The following ZBTB11 variants were observed in gnomAD, a reference collection of about 807,000 sequenced individuals.
ZBTB11 encodes the protein zinc finger and BTB domain-containing protein 11.
ZBTB11 carries 68 observed loss-of-function variants against 113.1 expected under a neutral mutation model. The ratio of observed to expected loss-of-function variants is 0.60; its 90% CI spans 0.49 to 0.74. ZBTB11 has a LOEUF of 0.74. Ranked by LOEUF, ZBTB11 falls within the 30% of genes least tolerant of loss-of-function variation. The probability of loss-of-function intolerance (pLI) is 0.00; values close to 1 mark genes in which losing one functional copy is unlikely to be tolerated. For synonymous variants in ZBTB11, 518 were observed against 452.6 expected, an observed-to-expected ratio of 1.14 and a Z score of -1.83; for missense variants, 1,104 against 1,279.4, an observed-to-expected ratio of 0.86 and a Z score of 2.09.
At chr3:101,662,914 C>T (rs938159947) in intron 5 of ZBTB11, among the ~76,000 whole-genome samples, 1 of 151,840 alleles carries the variant, frequency 6.6e-6, no homozygotes, top group African/African-American at 2.4e-5. Context: ...CAGGTGTGTG[C>T]CACCATGCCC....
In ZBTB11 at chr3:101,676,711, C is replaced by A. The variant is rs1303879847; in HGVS notation, c.204G>T (p.Pro68=). The A allele has an allele frequency of 1.9e-6, 3 of 1,597,674 alleles. No individual in the cohort carries two copies. Among genetic ancestry groups the A allele is most frequent in the Non-Finnish European group, 2.6e-6 (3 of 1,171,902 alleles). The part of the protein sequence containing the change: ...TFAELEVVLQ[P]ERRRDLIEAA... ...CCTCGATGAGGTCCCGGCGTCGCTCCGGCTGCAGCACCACCTCCAGCTCCG... is the reference window on the plus strand; with the variant it reads ...CCTCGATGAGGTCCCGGCGTCGCTCAGGCTGCAGCACCACCTCCAGCTCCG... Residue 68 remains proline (P), a synonymous_variant, in exon 1 of 11, where the codon CCG becomes CCT. Transcript: ENST00000312938.
chr3:101,671,051 C>T lies in ZBTB11; in HGVS notation c.778+79G>A, dbSNP rs77934441. 0.011 allele frequency: 13,376 copies of T among 1,196,566 alleles called. 1,122 individuals are homozygous for T. In the African/African-American group the frequency reaches 0.18, roughly 16 times the overall value. The allele number at this position is 1,196,566 out of a possible 1,614,324, so 74.1% of individuals were successfully genotyped here. ...GCTTCTCTTACTTTGGCATAAAGTC[C>T]GTGTGTGGAAGACATACATATCCCC... On this transcript the variant is annotated intron_variant, in intron 3 of 10. Coordinates refer to ENST00000312938, the MANE Select transcript of ZBTB11 (RefSeq NM_014415.4).
intron 1 of ZBTB11, among the ~76,000 whole-genome samples, chr3:101,674,034 G>T (rs112397918): frequency 3.7e-4 from 52 of 139,724 alleles, no homozygotes; most frequent in African/African-American, 6.7e-4. Context: ...CACAGAGACT[G>T]TTTTTTTTTT....
chr3:101,659,392 C>CT (rs530127022), intron 6 of ZBTB11, among the ~76,000 whole-genome samples: 7 of 152,318 alleles, frequency 4.6e-5, no homozygotes, highest in African/African-American at 1.7e-4. Flanking sequence ...TACTCTCAAT[C>CT]CTTAGCTCTA....
At chr3:101,663,021 G>A (rs1936920019) in intron 5 of ZBTB11, among the ~76,000 whole-genome samples, 1 of 151,288 alleles carries the variant, frequency 6.6e-6, no homozygotes, top group South Asian at 2.1e-4. Context: ...CTCACTGCAA[G>A]CTCCGCCTCC....
Position 101,651,329 on chromosome 3 carries a change from G to C in ZBTB11, c.2999C>G (p.Ala1000Gly). The C allele has an allele frequency of 1.2e-6, 2 of 1,613,508 alleles. No individual in the cohort carries two copies. The highest frequency in any genetic ancestry group is 2.2e-5 in the East Asian group (1 of 44,874). ...GETMEALEAV[A>G]ATEEYPSVST... ...TACCGATGGATACTCTTCAGTAGCT[G>C]CAACAGCTTCCAGAGCTTCCATAGT... is the stretch of plus-strand genomic sequence containing the variant. The change falls in exon 11 of 11, where the codon GCA (alanine) becomes GGA (glycine). Residue 1000 changes from alanine to glycine, a missense_variant. Coordinates refer to ENST00000312938, the MANE Select transcript of ZBTB11 (RefSeq NM_014415.4).
At position 101,651,067 on chromosome 3, in the gene ZBTB11, A is replaced by G; in HGVS notation, c.*99T>C. On this transcript the variant is annotated 3_prime_UTR_variant, in exon 11 of 11. Coordinates refer to ENST00000312938, the MANE Select transcript of ZBTB11 (RefSeq NM_014415.4). ...TTACCAAACAGCCCAGAACTTTGAT[A>G]TGTAAACTCCAAGCAGACAGTCACA... The G allele has an allele frequency of 7.2e-7, 1 of 1,384,728 alleles. No homozygotes were observed. Among genetic ancestry groups the G allele is most frequent in the Non-Finnish European group, 9.7e-7 (1 of 1,034,122 alleles). 85.8% of individuals were successfully genotyped at this position (1,384,728 alleles called of 1,614,324 possible).
chr3:101,665,456 A>G lies in ZBTB11; in HGVS notation c.1131T>C (p.Asn377=). 6.2e-7 allele frequency: 1 copy of G among 1,614,098 alleles called. No individual in the cohort carries two copies. Among genetic ancestry groups the G allele is most frequent in the Middle Eastern group, 1.6e-4 (1 of 6,062 alleles). ...GCTCAGGCTGTCGTCCTACCTCTCC[A>G]TTCTGCTCAGCTTCTGGCAATTCTC... ...VNGELPEAEQ[N]GEVGRQPEPQ... is the part of the protein sequence containing the mutation. Residue 377 remains asparagine (N), a synonymous_variant, in exon 4 of 11, where the codon AAT becomes AAC. Transcript: ENST00000312938.
chr3:101,669,035 A>T (rs200667305), intron 3 of ZBTB11, among the ~76,000 whole-genome samples: 1 of 151,546 alleles, frequency 6.6e-6, no homozygotes, highest in Admixed American at 6.6e-5. Flanking sequence ...TTATGATAAA[A>T]TTTTTTTTTG....
chr3:101,676,600 C>G lies in ZBTB11; in HGVS notation c.310+5G>C. 6.7e-7 allele frequency: 1 copy of G among 1,496,874 alleles called. No homozygotes were observed. Among genetic ancestry groups the G allele is most frequent in the Non-Finnish European group, 8.9e-7 (1 of 1,122,384 alleles). The allele number at this position is 1,496,874 out of a possible 1,614,324, so 92.7% of individuals were successfully genotyped here. On this transcript the variant is annotated splice_donor_5th_base_variant and intron_variant, in intron 1 of 10. Transcript: ENST00000312938. ...CCCGCCCCCTCGCCGCGGGCTAGGT[C>G]TCACCTCGCCACCAGTACGTCTTGG...
intron 1 of ZBTB11, 54 bp from the exon 2 acceptor site, chr3:101,672,267 T>C: frequency 7.8e-7 from 1 of 1,279,352 alleles, no homozygotes; most frequent in Non-Finnish European, 1.1e-6. Flanking sequence ...GAAAACAGAA[T>C]ATATTATTTA....
At chr3:101,653,029 C>A in intron 8 of ZBTB11, 91 bp from the exon 9 acceptor site, 1 of 1,344,866 alleles carries the variant, frequency 7.4e-7, no homozygotes, top group Admixed American at 2.5e-5. Flanking sequence ...TTTTTTAGAA[C>A]TCCAAAAGAT....
Position 101,677,104 on chromosome 3 carries a change from T to C in ZBTB11, c.-190A>G. 1.7e-6 allele frequency: 1 copy of C among 601,652 alleles called. No individual in the cohort carries two copies. Among genetic ancestry groups the C allele is most frequent in the Non-Finnish European group, 2.7e-6 (1 of 368,038 alleles). The allele number at this position is 601,652 out of a possible 1,614,324, so 37.3% of individuals were successfully genotyped here. A position where few individuals can be genotyped will look rare whatever the true frequency, so the allele number is the denominator to read the frequency against. On this transcript the variant is annotated 5_prime_UTR_variant, in exon 1 of 11. Transcript: ENST00000312938. The stretch of plus-strand genomic sequence containing the variant: ...GTTGGTAACCAGGGGGAACTGCACT[T>C]CTCCAGCGCGCGGGATCCGCTGGCG...
At chr3:101,667,085 GCT>G in intron 3 of ZBTB11, among the ~76,000 whole-genome samples, 1 of 152,256 alleles carries the variant, frequency 6.6e-6, no homozygotes, top group East Asian at 1.9e-4. Flanking sequence ...ACAGGCCCTT[GCT>G]CTGTCATCCA....
chr3:101,661,987 A>G (rs1936896120), intron 5 of ZBTB11: 1 of 151,432 alleles, frequency 6.6e-6, no homozygotes, highest in Non-Finnish European at 1.5e-5. Flanking sequence ...GGTATTATAT[A>G]TTTTATTCCT....
Position 101,659,920 on chromosome 3 carries a change from C to T in ZBTB11, c.1909G>A (p.Ala637Thr), listed in dbSNP as rs1936859034. ...SSSSNSTSNE[A>T]SGTSSEKGRT... Reference sequence around the variant, plus strand: ...CCCTTCTCAGATGATGTTCCCGATGCTTCATTAGACGTGGAATTGGACGAG... The same window carrying T: ...CCCTTCTCAGATGATGTTCCCGATGTTTCATTAGACGTGGAATTGGACGAG... The change falls in exon 6 of 11, where the codon GCA (alanine) becomes ACA (threonine). Residue 637 changes from alanine to threonine, a missense_variant. Coordinates refer to ENST00000312938, the MANE Select transcript of ZBTB11 (RefSeq NM_014415.4). 3 of 1,614,046 alleles carry T rather than the reference C, an allele frequency of 1.9e-6. No individual in the cohort carries two copies. The highest frequency in any genetic ancestry group is 1.7e-6 in the Non-Finnish European group (2 of 1,180,036).
Position 101,663,011 on chromosome 3 carries a change from C to T in ZBTB11, c.1800+1527G>A, listed in dbSNP as rs866426859. On this transcript the variant is annotated intron_variant, in intron 5 of 10. Coordinates refer to ENST00000312938, the MANE Select transcript of ZBTB11 (RefSeq NM_014415.4). ...CTGGAGTGCAGTGGCACAATCTCGG[C>T]TCACTGCAAGCTCCGCCTCCCGTGT... Among the ~76,000 whole-genome samples the T allele has an allele frequency of 4.6e-5, 7 of 151,802 alleles. No homozygotes were observed. In the Middle Eastern group the frequency reaches 0.017, roughly 369 times the overall value.
chr3:101,669,757 T>C (rs777568748), intron 3 of ZBTB11, among the ~76,000 whole-genome samples: 16 of 151,994 alleles, frequency 1.1e-4, no homozygotes, highest in Non-Finnish European at 1.8e-4. Context: ...GTACACCCCC[T>C]GAGCCTAGGC....
At position 101,674,684 on chromosome 3, in the gene ZBTB11, G is replaced by A. The variant is rs982702955; in HGVS notation, c.310+1921C>T. 1.7e-4 allele frequency among the ~76,000 whole-genome samples: 26 copies of A among 151,268 alleles called. 1 individual carries two copies. Among genetic ancestry groups the A allele is most frequent in the Middle Eastern group, 6.8e-3 (2 of 294 alleles). ...ACTGCACTCCAGCCTGGGCAACAGA[G>A]TGACTCTGTCTCAATAAATAAATAA... is the stretch of plus-strand genomic sequence containing the variant. On this transcript the variant is annotated intron_variant, in intron 1 of 10. Transcript: ENST00000312938.
Sources: allele counts gnomAD v4.1 joint callset (sites outside exome capture counted in the v4.1 genomes callset), GRCh38; gene constraint gnomAD v4.1.1; transcripts MANE v1.5; gene names NCBI Gene and HGNC (gene_info 2026-07-23, HGNC 2026-07-21).